BTC: variants seen among roughly 807,000 people sequenced by gnomAD.
BTC encodes the protein probetacellulin.
Under a neutral mutation model 18.1 loss-of-function variants are expected in BTC, and 13 were observed. The ratio of observed to expected loss-of-function variants is 0.72; its 90% confidence interval spans 0.47 to 1.14. The LOEUF (loss-of-function observed/expected upper bound fraction) is 1.14, where lower values mean the gene tolerates loss of function less well. Ranked by LOEUF, BTC falls within the 50% of genes most tolerant of loss-of-function variation. BTC has a pLI of 0.00. For synonymous variants in BTC, 83 were observed against 79.4 expected (o/e 1.05, Z -0.24); for missense variants, 247 against 224.2 (o/e 1.10, Z -0.65).
chr4:74,770,792 T>A (rs72867573), intron 1 of BTC, among the ~76,000 whole-genome samples: 20,212 of 151,872 alleles, frequency 0.13, 1,848 homozygotes, highest in African/African-American at 0.25. Flanking sequence ...AGGTCACTTC[T>A]GAGATAATCA....
intron 1 of BTC, among the ~76,000 whole-genome samples, chr4:74,791,278 G>T (rs1301841946): frequency 6.6e-6 from 1 of 152,106 alleles, no homozygotes; most frequent in Non-Finnish European, 1.5e-5. Flanking sequence ...GGAGGCGGAG[G>T]TTGCAGTGAG....
At chr4:74,787,370 A>G (rs1725507287) in intron 1 of BTC, among the ~76,000 whole-genome samples, 1 of 152,208 alleles carries the variant, frequency 6.6e-6, no homozygotes, top group Non-Finnish European at 1.5e-5. Flanking sequence ...ACCTTGTTTA[A>G]TTGATGTGAA....
intron 3 of BTC, 34 bp from the exon 4 acceptor site, chr4:74,750,753 T>C (rs782415738): frequency 6.9e-6 from 11 of 1,595,784 alleles, no homozygotes; most frequent in Non-Finnish European, 7.7e-6. Context: ...GAAGTAAAAC[T>C]TGCAAGACTT....
intron 2 of BTC, among the ~76,000 whole-genome samples, chr4:74,764,832 G>A (rs977415019): frequency 3.3e-5 from 5 of 152,062 alleles, no homozygotes; most frequent in Non-Finnish European, 2.9e-5. Flanking sequence ...ACCCAGCACT[G>A]GATAACTTAT....
chr4:74,770,400 C>G (rs1426116516), intron 1 of BTC, among the ~76,000 whole-genome samples: 1 of 152,140 alleles, frequency 6.6e-6, no homozygotes, highest in Non-Finnish European at 1.5e-5. Flanking sequence ...AAGGAGGAAA[C>G]TTGGTCATAG....
At chr4:74,774,353 C>A (rs1560719634) in intron 1 of BTC, among the ~76,000 whole-genome samples, 1 of 152,046 alleles carries the variant, frequency 6.6e-6, no homozygotes, top group Non-Finnish European at 1.5e-5. Context: ...AAAGTCTAAG[C>A]CTGACAAGTC....
intron 3 of BTC, among the ~76,000 whole-genome samples, chr4:74,755,135 T>TA (rs1326216215): frequency 2.6e-5 from 4 of 152,158 alleles, no homozygotes; most frequent in African/African-American, 4.8e-5. Context: ...CTGAGATACT[T>TA]ATGGAAAGAA....
At chr4:74,767,752 G>A (rs1207736258) in intron 2 of BTC, among the ~76,000 whole-genome samples, 3 of 151,942 alleles carry the variant, frequency 2.0e-5, no homozygotes, top group Non-Finnish European at 2.9e-5. Flanking sequence ...ATGAACAACT[G>A]ATCTTCAGCA....
intron 2 of BTC, among the ~76,000 whole-genome samples, chr4:74,761,057 G>A (rs558182586): frequency 1.3e-5 from 2 of 152,024 alleles, no homozygotes; most frequent in African/African-American, 4.8e-5. Context: ...AACTAGGAGG[G>A]CCCTGCCAAC....
chr4:74,794,143 G>T (rs911696621), intron 1 of BTC, 119 bp downstream of exon 1: 13 of 1,311,796 alleles, frequency 9.9e-6, no homozygotes, highest in Admixed American at 2.0e-5. Flanking sequence ...TCCAACCCGC[G>T]CCTGCCAGCC....
chr4:74,792,294 T>G (rs528046964), intron 1 of BTC, among the ~76,000 whole-genome samples: 78 of 152,330 alleles, frequency 5.1e-4, no homozygotes, highest in African/African-American at 1.9e-3. Context: ...ATTCGAGTTT[T>G]GCTTTTTGAT....
intron 3 of BTC, 38 bp from the exon 4 acceptor site, chr4:74,750,757 A>G (rs536344510): frequency 1.3e-6 from 2 of 1,592,178 alleles, no homozygotes; most frequent in East Asian, 4.5e-5. Flanking sequence ...TAAAACTTGC[A>G]AGACTTTTAA....
intron 2 of BTC, among the ~76,000 whole-genome samples, chr4:74,765,995 C>T (rs1279778467): frequency 6.6e-6 from 1 of 152,074 alleles, no homozygotes; most frequent in Non-Finnish European, 1.5e-5. Flanking sequence ...CAAACCTATA[C>T]AGCATGTTAC....
chr4:74,773,969 AG>A (rs112441886), intron 1 of BTC, among the ~76,000 whole-genome samples: 20,274 of 152,180 alleles, frequency 0.13, 1,850 homozygotes, highest in African/African-American at 0.25. Flanking sequence ...ATAATGCAGA[AG>A]TAATAGGATA....
chr4:74,752,779 A>C (rs1724498551), intron 3 of BTC, among the ~76,000 whole-genome samples: 1 of 152,212 alleles, frequency 6.6e-6, no homozygotes. Flanking sequence ...ACTAGCTTAA[A>C]TATTCCTCTA....
chr4:74,767,625 G>A, intron 2 of BTC, among the ~76,000 whole-genome samples: 1 of 151,936 alleles, frequency 6.6e-6, no homozygotes, highest in Non-Finnish European at 1.5e-5. Flanking sequence ...AAACAATCTT[G>A]AGCAAGAACA....
At chr4:74,759,690 C>A (rs1424956156) in intron 2 of BTC, among the ~76,000 whole-genome samples, 1 of 150,658 alleles carries the variant, frequency 6.6e-6, no homozygotes, top group Non-Finnish European at 1.5e-5. Flanking sequence ...AGGGTTACTG[C>A]ACGTCAGTGG....
chr4:74,755,561 C>G (rs1242358757), intron 3 of BTC, among the ~76,000 whole-genome samples: 11 of 152,188 alleles, frequency 7.2e-5, no homozygotes, highest in African/African-American at 2.7e-4. Context: ...TTTGAACCAC[C>G]CAGGAGATTA....
At chr4:74,747,009 G>T (rs1359878502) in intron 5 of BTC, among the ~76,000 whole-genome samples, 1 of 152,182 alleles carries the variant, frequency 6.6e-6, no homozygotes, top group Non-Finnish European at 1.5e-5. Context: ...ACTCAGAATA[G>T]TGAGCAGAAA....
Sources: allele counts gnomAD v4.1 joint callset (sites outside exome capture counted in the v4.1 genomes callset), GRCh38; gene constraint gnomAD v4.1.1; transcripts MANE v1.5; gene names NCBI Gene and HGNC (gene_info 2026-07-23, HGNC 2026-07-21).